Variants in HORMAD2 observed in about 807,000 individuals in gnomAD.
HORMAD2 encodes the protein HORMA domain-containing protein 2.
In HORMAD2, 45 loss-of-function variants were observed where a neutral mutation model predicts 38.8. The observed-to-expected ratio is 1.16, with a 90% CI of 0.91 to 1.49. HORMAD2 has a LOEUF of 1.49. Ranked by LOEUF, HORMAD2 falls within the 40% of genes most tolerant of loss-of-function variation. The probability of loss-of-function intolerance (pLI) is 0.00; values close to 1 mark genes in which losing one functional copy is unlikely to be tolerated. For synonymous variants in HORMAD2, 126 were observed against 122.8 expected, an observed-to-expected ratio of 1.03 and a Z score of -0.17; for missense variants, 338 against 367.0, an observed-to-expected ratio of 0.92 and a Z score of 0.65.
At chr22:30,156,800 G>A (rs1246028114) in intron 10 of HORMAD2, among the ~76,000 whole-genome samples, 2 of 152,142 alleles carry the variant, frequency 1.3e-5, no homozygotes, top group Non-Finnish European at 2.9e-5. Flanking sequence ...AAGCACTGAC[G>A]AAGAGTCAGG....
chr22:30,140,401 G>C (rs2146178010), intron 10 of HORMAD2, among the ~76,000 whole-genome samples: 1 of 152,300 alleles, frequency 6.6e-6, no homozygotes, highest in Admixed American at 6.5e-5. Flanking sequence ...TAGTGGTGAA[G>C]CTATCTGTGA....
At chr22:30,153,033 C>T (rs1436759821) in intron 10 of HORMAD2, among the ~76,000 whole-genome samples, 2 of 152,096 alleles carry the variant, frequency 1.3e-5, no homozygotes. Flanking sequence ...TTCACCACTG[C>T]CTTCCCTTTT....
At chr22:30,127,197 TTC>T in intron 10 of HORMAD2, among the ~76,000 whole-genome samples, 1 of 126,256 alleles carries the variant, frequency 7.9e-6, no homozygotes, top group Non-Finnish European at 1.6e-5. Context: ...TAAACAGAAG[TTC>T]TTTTTTTTTT....
intron 10 of HORMAD2, among the ~76,000 whole-genome samples, chr22:30,138,338 A>T (rs761151636): frequency 1.3e-5 from 2 of 150,530 alleles, no homozygotes; most frequent in African/African-American, 2.4e-5. Flanking sequence ...GGTAATTTTT[A>T]AAATATTTTT....
chr22:30,119,943 G>T (rs1036996710), intron 8 of HORMAD2, among the ~76,000 whole-genome samples: 1 of 152,148 alleles, frequency 6.6e-6, no homozygotes, highest in African/African-American at 2.4e-5. Flanking sequence ...TTCCAAAAAT[G>T]AGAATTAAAA....
chr22:30,189,539 A>G, the HORMAD2 span, among the ~76,000 whole-genome samples: 1 of 152,058 alleles, frequency 6.6e-6, no homozygotes, highest in Non-Finnish European at 1.5e-5. Context: ...GGTAGTGACT[A>G]TTGTACATAG....
chr22:30,129,241 AAAAAAAAAAAAAAAAG>A (rs1232959548), intron 10 of HORMAD2, among the ~76,000 whole-genome samples: 827 of 59,004 alleles, frequency 0.014, 52 homozygotes, highest in Non-Finnish European at 0.024. Flanking sequence ...AAAAAAAAAA[AAAAAAAAAAAAAAAAG>A]AGAGAGAGAG....
intron 10 of HORMAD2, among the ~76,000 whole-genome samples, chr22:30,168,016 A>AT (rs1386893483): frequency 6.6e-6 from 1 of 152,144 alleles, no homozygotes; most frequent in East Asian, 1.9e-4. Context: ...AACATATGTG[A>AT]TTTTTTAGTA....
At chr22:30,143,862 G>T (rs1239414084) in intron 10 of HORMAD2, among the ~76,000 whole-genome samples, 2 of 152,068 alleles carry the variant, frequency 1.3e-5, no homozygotes, top group Admixed American at 6.6e-5. Flanking sequence ...TGCAAGATCT[G>T]GTTGTTTAAA....
At chr22:30,090,954 T>C (rs2068670919) in intron 1 of HORMAD2, among the ~76,000 whole-genome samples, 1 of 152,244 alleles carries the variant, frequency 6.6e-6, no homozygotes. Flanking sequence ...TATCTAGCTG[T>C]AATTTTATAT....
chr22:30,149,311 C>A (rs1447648186), intron 10 of HORMAD2, among the ~76,000 whole-genome samples: 2 of 152,168 alleles, frequency 1.3e-5, no homozygotes, highest in Admixed American at 1.3e-4. Context: ...ATGGTAGCCA[C>A]TAACCACATG....
the HORMAD2 span, among the ~76,000 whole-genome samples, chr22:30,202,640 C>A: frequency 6.6e-6 from 1 of 152,070 alleles, no homozygotes; most frequent in East Asian, 1.9e-4. Flanking sequence ...TAACGAAGCT[C>A]AACAAACAAA....
intron 1 of HORMAD2, among the ~76,000 whole-genome samples, chr22:30,091,097 A>C (rs2068673382): frequency 6.6e-6 from 1 of 152,052 alleles, no homozygotes; most frequent in Non-Finnish European, 1.5e-5. Context: ...TCTGTACTTG[A>C]CTTACTTCAC....
the HORMAD2 span, among the ~76,000 whole-genome samples, chr22:30,186,146 T>C: frequency 6.6e-6 from 1 of 152,140 alleles, no homozygotes; most frequent in African/African-American, 2.4e-5. Context: ...ATACAACAAA[T>C]ATTTGCATAG....
rs770661270 is a variant in HORMAD2, at chr22:30,121,667, A to G, written c.446A>G (p.Asn149Ser). The G allele has an allele frequency of 3.1e-6, 5 of 1,603,536 alleles. No individual in the cohort carries two copies. The highest frequency in any genetic ancestry group is 1.1e-5 in the South Asian group (1 of 89,166). Reference sequence around the variant, plus strand: ...AGTACAAGCTTTGAAAGTGGAACAAACAATGAAGATATTAAGAAAGCCAGT... The same window carrying G: ...AGTACAAGCTTTGAAAGTGGAACAAGCAATGAAGATATTAAGAAAGCCAGT... ...SSSTSFESGT[N>S]NEDIKKASVL... The change falls in exon 9 of 11, where the codon AAC becomes AGC. Residue 149 changes from asparagine (N) to serine (S), a missense_variant. Asn to Ser is a conservative substitution (Grantham distance 46). Transcript: ENST00000336726.
chr22:30,112,588 A>G, intron 7 of HORMAD2, 66 bp downstream of exon 7: 1 of 640,390 alleles, frequency 1.6e-6, no homozygotes, highest in Non-Finnish European at 2.4e-6. Flanking sequence ...TGTTTTTCTG[A>G]GTTGAGGCTA....
At chr22:30,090,411 G>A (rs908877071) in intron 1 of HORMAD2, among the ~76,000 whole-genome samples, 2 of 152,134 alleles carry the variant, frequency 1.3e-5, no homozygotes, top group African/African-American at 4.8e-5. Context: ...ATATTCCATT[G>A]TAAATACCAC....
At chr22:30,145,737 T>C (rs1240215226) in intron 10 of HORMAD2, among the ~76,000 whole-genome samples, 1 of 152,206 alleles carries the variant, frequency 6.6e-6, no homozygotes, top group Non-Finnish European at 1.5e-5. Context: ...TAATTGAAAT[T>C]CCAGAAATTT....
Position 30,121,626 on chromosome 22 carries a change from G to T in HORMAD2, c.411-6G>T, listed in dbSNP as rs1191098123. 3 of 1,566,746 alleles carry T rather than the reference G, an allele frequency of 1.9e-6. No homozygotes were observed. In the Admixed American group the frequency reaches 6.0e-5, roughly 31 times the overall value. ...GATCAAAAAGTATGCTTTTTTTTCT[G>T]TGTAGTCATAGCAGCAGTACAAGCT... On this transcript the variant is annotated splice_region_variant and splice_polypyrimidine_tract_variant and intron_variant, in intron 8 of 10. Coordinates refer to ENST00000336726, the MANE Select transcript of HORMAD2 (RefSeq NM_152510.4).
Sources: allele counts gnomAD v4.1 joint callset (sites outside exome capture counted in the v4.1 genomes callset), GRCh38; gene constraint gnomAD v4.1.1; transcripts MANE v1.5; gene names NCBI Gene and HGNC (gene_info 2026-07-23, HGNC 2026-07-21).